The following DCDC2C variants were observed in gnomAD, a reference collection of about 807,000 sequenced individuals.
DCDC2C encodes the protein doublecortin domain-containing protein 2C.
Under a neutral mutation model 45.0 loss-of-function variants are expected in DCDC2C, and 44 were observed. The ratio of observed to expected loss-of-function variants is 0.98; its 90% CI spans 0.77 to 1.26. DCDC2C has a LOEUF of 1.26. Among genes scored for constraint, DCDC2C ranks in the 50% most tolerant of loss-of-function variants. The pLI, the probability that DCDC2C is intolerant of heterozygous loss-of-function variation, is 0.00. For missense variants in DCDC2C, 447 were observed against 468.9 expected (o/e 0.95, Z 0.43); for synonymous variants, 187 against 178.8 (o/e 1.05, Z -0.37).
intron 2 of DCDC2C, among the ~76,000 whole-genome samples, chr2:3,726,617 T>C (rs1668694588): frequency 6.6e-6 from 1 of 152,160 alleles, no homozygotes; most frequent in African/African-American, 2.4e-5. Context: ...TGGGGCCCCA[T>C]AACTTGGCCA....
At chr2:3,719,797 A>G in intron 2 of DCDC2C, among the ~76,000 whole-genome samples, 1 of 152,216 alleles carries the variant, frequency 6.6e-6, no homozygotes, top group East Asian at 1.9e-4. Flanking sequence ...GAAACTATAG[A>G]CAGTAGTGGA....
chr2:3,833,237 G>A (rs1015668722), intron 10 of DCDC2C, among the ~76,000 whole-genome samples: 9 of 152,162 alleles, frequency 5.9e-5, no homozygotes, highest in East Asian at 1.9e-4. Flanking sequence ...CAGTATACTC[G>A]CCCTCTTTAT....
chr2:3,741,604 C>G (rs142316897), intron 3 of DCDC2C, among the ~76,000 whole-genome samples: 2 of 152,226 alleles, frequency 1.3e-5, no homozygotes, highest in African/African-American at 4.8e-5. Flanking sequence ...TTTCCTGTTT[C>G]GCAACCACTA....
Position 3,703,829 on chromosome 2 carries a change from G to A in DCDC2C, c.78G>A (p.Pro26=), listed in dbSNP as rs747682949. ...TCGTGGTGTACCGCAACGGGGACCC[G>A]TTCTACGTGGGCAAGAAGTTCGTGC... ...KTIVVYRNGD[P]FYVGKKFVLS... is the part of the protein sequence containing the mutation. The change falls in exon 1 of 11, where the codon CCG becomes CCA. Residue 26 remains proline (P), a synonymous_variant. Transcript: ENST00000399143. This position sits in a 1 kb window ranked among gnomAD's most constrained non-coding sequence, Gnocchi z 4.4. The A allele has an allele frequency of 7.9e-7, 1 of 1,270,972 alleles. No individual in the cohort carries two copies. The highest frequency in any genetic ancestry group is 1.0e-6 in the Non-Finnish European group (1 of 1,004,086). The allele number at this position is 1,270,972 out of a possible 1,614,324, so 78.7% of individuals were successfully genotyped here.
chr2:3,735,765 G>A (rs1255568115), intron 3 of DCDC2C, among the ~76,000 whole-genome samples: 1 of 152,012 alleles, frequency 6.6e-6, no homozygotes, highest in Non-Finnish European at 1.5e-5. Flanking sequence ...AAGTGATCAC[G>A]GCCAGGATAG....
chr2:3,716,622 T>C (rs1668357473), intron 2 of DCDC2C, among the ~76,000 whole-genome samples: 1 of 152,146 alleles, frequency 6.6e-6, no homozygotes, highest in Admixed American at 6.5e-5. Context: ...AGTGACATCA[T>C]GTACGTGATG....
Position 3,820,260 on chromosome 2 carries a change from C to T in DCDC2C, c.1066-26894C>T, listed in dbSNP as rs537668549. Among the ~76,000 whole-genome samples, 12 of 152,124 alleles carry T rather than the reference C, an allele frequency of 7.9e-5. 1 individual carries two copies. The South Asian group carries it at 2.5e-3, about 32-fold the overall frequency. ...ACAATTATCGAGTTTGTATTGGGGC[C>T]AAGTGGTGTTGCAGAAGAAAATAAG... is the stretch of plus-strand genomic sequence containing the variant. On this transcript the variant is annotated intron_variant, in intron 10 of 10. Coordinates refer to ENST00000399143, the MANE Select transcript of DCDC2C (RefSeq NM_001287444.2).
At chr2:3,787,422 G>A (rs1015658548) in intron 10 of DCDC2C, among the ~76,000 whole-genome samples, 1 of 152,158 alleles carries the variant, frequency 6.6e-6, no homozygotes, top group African/African-American at 2.4e-5. Flanking sequence ...GTGGTCTGGG[G>A]ATAAATGCTG....
At chr2:3,740,138 C>T (rs1215419371) in intron 3 of DCDC2C, among the ~76,000 whole-genome samples, 1 of 152,212 alleles carries the variant, frequency 6.6e-6, no homozygotes, top group African/African-American at 2.4e-5. Context: ...GACCGTTTTT[C>T]CCCTGTAGAT....
At chr2:3,812,555 G>A (rs113455522) in intron 10 of DCDC2C, among the ~76,000 whole-genome samples, 16,571 of 151,770 alleles carry the variant, frequency 0.11, 1,096 homozygotes, top group East Asian at 0.29. Context: ...TGATTTTTTG[G>A]AGAGTTTTTT....
chr2:3,767,864 A>T lies in DCDC2C; in HGVS notation c.837A>T (p.Leu279Phe). 6.5e-7 allele frequency: 1 copy of T among 1,532,328 alleles called. No homozygotes were observed. The highest frequency in any genetic ancestry group is 1.2e-5 in the South Asian group (1 of 80,818). 94.9% of individuals were successfully genotyped at this position (1,532,328 alleles called of 1,614,324 possible). ...AGAAGAAAACATTGGCAGAACCTTT[A>T]GTCCAAAGGGGTGCAGGTGACGTGC... ...EEKKKTLAEPLVQRGAEGDVY... is the reference protein window; with the variant it reads ...EEKKKTLAEPFVQRGAEGDVY... Residue 279 changes from leucine (L) to phenylalanine (F), a missense_variant, in exon 7 of 11, where the codon TTA becomes TTT. By Grantham distance (22) the Leu-to-Phe change is conservative. Coordinates refer to ENST00000399143, the MANE Select transcript of DCDC2C (RefSeq NM_001287444.2).
At chr2:3,723,346 G>A (rs1343389721) in intron 2 of DCDC2C, among the ~76,000 whole-genome samples, 1 of 152,190 alleles carries the variant, frequency 6.6e-6, no homozygotes, top group Non-Finnish European at 1.5e-5. Context: ...TGTGTGACTG[G>A]GCAGGGAGGG....
chr2:3,704,122 G>A (rs1341142947), intron 1 of DCDC2C, 84 bp downstream of exon 1: 2 of 1,143,884 alleles, frequency 1.7e-6, no homozygotes, highest in Non-Finnish European at 1.1e-6. Flanking sequence ...TGCCCCCCAG[G>A]TGTCCTCCCC....
intron 4 of DCDC2C, among the ~76,000 whole-genome samples, chr2:3,742,939 T>C (rs571245476): frequency 3.9e-5 from 6 of 152,150 alleles, no homozygotes; most frequent in Non-Finnish European, 5.9e-5. Context: ...GTGCTAGTCA[T>C]GATGATGGAC....
intron 8 of DCDC2C, among the ~76,000 whole-genome samples, chr2:3,772,129 A>G (rs1160604722): frequency 6.6e-6 from 1 of 152,254 alleles, no homozygotes; most frequent in Non-Finnish European, 1.5e-5. Flanking sequence ...TAGTAAATGT[A>G]TGAATTTGGA....
intron 10 of DCDC2C, among the ~76,000 whole-genome samples, chr2:3,800,125 G>C (rs948726447): frequency 1.2e-4 from 19 of 152,158 alleles, no homozygotes; most frequent in African/African-American, 4.1e-4. Flanking sequence ...GGAGTGACTC[G>C]ATTTTCCAGG....
At chr2:3,821,957 T>C (rs1671697044) in intron 10 of DCDC2C, among the ~76,000 whole-genome samples, 1 of 149,744 alleles carries the variant, frequency 6.7e-6, no homozygotes, top group Admixed American at 6.7e-5. Flanking sequence ...TTTATCACCC[T>C]AAAGGGAAAC....
At chr2:3,785,161 A>G (rs1333484081) in intron 10 of DCDC2C, 61 bp downstream of exon 10, 2 of 1,188,952 alleles carry the variant, frequency 1.7e-6, no homozygotes, top group Non-Finnish European at 1.1e-6. Flanking sequence ...AGACCTAACA[A>G]GAGAATCCAC....
chr2:3,832,961 G>A (rs951734596), intron 10 of DCDC2C, among the ~76,000 whole-genome samples: 4 of 152,184 alleles, frequency 2.6e-5, no homozygotes, highest in East Asian at 1.9e-4. Context: ...AATTCAACAC[G>A]GGTCTCATTG....
Sources: gnomAD v4.1 joint callset for allele counts (sites outside exome capture counted in the v4.1 genomes callset) on GRCh38, gnomAD v4.1.1 for gene constraint, Gnocchi (gnomAD v3.1) non-coding constraint, MANE v1.5 for transcripts, NCBI Gene and HGNC (gene_info 2026-07-23, HGNC 2026-07-21) for gene names.